CPA3: variants seen among roughly 807,000 people sequenced by gnomAD.
CPA3 encodes the protein carboxypeptidase A3, also known as mast cell carboxypeptidase A.
Under a neutral mutation model 55.8 loss-of-function variants are expected in CPA3, and 52 were observed. The ratio of observed to expected loss-of-function variants is 0.93; its 90% CI spans 0.75 to 1.17. The LOEUF is 1.17. Ranked by LOEUF, CPA3 falls within the 50% of genes most tolerant of loss-of-function variation. CPA3 has a pLI of 0.00. For missense variants in CPA3, 547 were observed against 509.1 expected (o/e 1.07, Z -0.72); for synonymous variants, 179 against 171.2 (o/e 1.05, Z -0.36).
At chr3:148,870,156 A>C (rs1254693451) in intron 3 of CPA3, 2 of 149,148 alleles carry the variant, frequency 1.3e-5, no homozygotes, top group Admixed American at 6.7e-5. Context: ...TCATAGTTTG[A>C]TGTACAGAGG....
At position 148,865,501 on chromosome 3, in the gene CPA3, G is replaced by T; in HGVS notation, c.97G>T (p.Asp33Tyr). ...REKVFRVKPQ[D>Y]EKQADIIKDL... ...GAAGGTGTTCCGCGTGAAGCCCCAGGATGAAAAACAAGCAGACATCATAAA... is the reference window on the plus strand; with the variant it reads ...GAAGGTGTTCCGCGTGAAGCCCCAGTATGAAAAACAAGCAGACATCATAAA... The change falls in exon 2 of 11, where the codon GAT becomes TAT. Residue 33 changes from aspartate (D) to tyrosine (Y), a missense_variant. Transcript: ENST00000296046. 10 of 1,613,928 alleles carry T rather than the reference G, an allele frequency of 6.2e-6. No individual in the cohort carries two copies. The highest frequency in any genetic ancestry group is 8.5e-6 in the Non-Finnish European group (10 of 1,179,950).
chr3:148,887,036 C>A (rs1322230574), intron 10 of CPA3, among the ~76,000 whole-genome samples: 1 of 152,054 alleles, frequency 6.6e-6, no homozygotes, highest in African/African-American at 2.4e-5. Flanking sequence ...TTTATGTTGT[C>A]TTTGTGTGTT....
intron 10 of CPA3, among the ~76,000 whole-genome samples, chr3:148,892,232 C>T (rs568522821): frequency 6.6e-4 from 101 of 152,260 alleles, no homozygotes; most frequent in African/African-American, 2.1e-3. Context: ...TCTGACTCTC[C>T]TCATCAAGAA....
intron 10 of CPA3, among the ~76,000 whole-genome samples, chr3:148,896,077 G>A (rs1326468102): frequency 6.6e-6 from 1 of 152,126 alleles, no homozygotes; most frequent in African/African-American, 2.4e-5. Context: ...CTATGAAATA[G>A]TTTACCCTAG....
intron 10 of CPA3, among the ~76,000 whole-genome samples, chr3:148,895,155 C>A (rs1047452812): frequency 6.6e-6 from 1 of 152,180 alleles, no homozygotes; most frequent in African/African-American, 2.4e-5. Context: ...AATCTAAACA[C>A]CTAGTCCCGA....
At chr3:148,879,195 C>T (rs1270849622) in intron 5 of CPA3, among the ~76,000 whole-genome samples, 1 of 152,176 alleles carries the variant, frequency 6.6e-6, no homozygotes, top group Non-Finnish European at 1.5e-5. Flanking sequence ...CACTCCATTG[C>T]TGCTGGATTT....
chr3:148,890,603 T>G (rs768340805), intron 10 of CPA3, among the ~76,000 whole-genome samples: 2 of 152,256 alleles, frequency 1.3e-5, no homozygotes, highest in Non-Finnish European at 2.9e-5. Flanking sequence ...TTTCAGTGTA[T>G]GCCCATGTAT....
intron 10 of CPA3, among the ~76,000 whole-genome samples, chr3:148,894,433 G>GA (rs1160368866): frequency 3.5e-5 from 4 of 115,596 alleles, no homozygotes; most frequent in Admixed American, 8.7e-5. Flanking sequence ...TGTAAAGCAA[G>GA]AAAAAAAAGA....
intron 10 of CPA3, among the ~76,000 whole-genome samples, chr3:148,888,038 C>T (rs1714580438): frequency 6.6e-6 from 1 of 152,190 alleles, no homozygotes; most frequent in Non-Finnish European, 1.5e-5. Context: ...AACCCTTCCA[C>T]CACCAAAGAT....
At chr3:148,892,121 A>G (rs1169936544) in intron 10 of CPA3, among the ~76,000 whole-genome samples, 4 of 150,688 alleles carry the variant, frequency 2.7e-5, no homozygotes, top group Non-Finnish European at 1.5e-5. Context: ...CTTTTTTTCT[A>G]CTCTCCCACT....
intron 3 of CPA3, 114 bp downstream of exon 3, chr3:148,869,153 C>T (rs555341411): frequency 3.3e-6 from 4 of 1,200,088 alleles, no homozygotes; most frequent in South Asian, 3.0e-5. Context: ...AGAACGAAAG[C>T]TCTTTCTGTA....
At chr3:148,867,626 T>G (rs1331735917) in intron 2 of CPA3, among the ~76,000 whole-genome samples, 1 of 152,248 alleles carries the variant, frequency 6.6e-6, no homozygotes, top group African/African-American at 2.4e-5. Context: ...CTCTCATATG[T>G]CCAACTCATG....
intron 9 of CPA3, among the ~76,000 whole-genome samples, chr3:148,885,462 G>A (rs1360027270): frequency 7.4e-6 from 1 of 135,482 alleles, no homozygotes; most frequent in Non-Finnish European, 1.5e-5. Context: ...CCAGGCTGGA[G>A]TGCAGTGGCG....
At chr3:148,873,981 C>T (rs1413901377) in intron 3 of CPA3, among the ~76,000 whole-genome samples, 1 of 152,122 alleles carries the variant, frequency 6.6e-6, no homozygotes, top group Non-Finnish European at 1.5e-5. Flanking sequence ...TTTTGGAGCT[C>T]AAAATAATAT....
At chr3:148,871,061 G>A (rs1714053603) in intron 3 of CPA3, among the ~76,000 whole-genome samples, 1 of 152,064 alleles carries the variant, frequency 6.6e-6, no homozygotes, top group African/African-American at 2.4e-5. Flanking sequence ...ACCATGCCTG[G>A]CTTTTTTTTG....
At chr3:148,865,401 T>G in intron 1 of CPA3, 26 bp downstream of exon 1, 1 of 1,613,950 alleles carries the variant, frequency 6.2e-7, no homozygotes, top group Non-Finnish European at 8.5e-7. Context: ...TGTGTTCCAG[T>G]CTCTGTGTAG....
intron 2 of CPA3, among the ~76,000 whole-genome samples, chr3:148,866,841 C>T (rs1713913069): frequency 6.6e-6 from 1 of 152,160 alleles, no homozygotes; most frequent in Non-Finnish European, 1.5e-5. Flanking sequence ...TCTGCAGCCT[C>T]CGACTCCCAG....
At chr3:148,877,312 A>G (rs921085819) in intron 3 of CPA3, among the ~76,000 whole-genome samples, 1 of 152,216 alleles carries the variant, frequency 6.6e-6, no homozygotes, top group African/African-American at 2.4e-5. Context: ...CCTGATCAAC[A>G]TGGAGAAACC....
At chr3:148,878,400 T>TGAAAGATAA (rs1203937916) in intron 3 of CPA3, 41 bp from the exon 4 acceptor site, 1 of 1,357,252 alleles carries the variant, frequency 7.4e-7, no homozygotes, top group African/African-American at 1.4e-5. Flanking sequence ...TTTTCCTTTC[T>TGAAAGATAA]CATGATAAAA....
Sources: gnomAD v4.1 joint callset for allele counts (sites outside exome capture counted in the v4.1 genomes callset) on GRCh38, gnomAD v4.1.1 for gene constraint, MANE v1.5 for transcripts, NCBI Gene and HGNC (gene_info 2026-07-23, HGNC 2026-07-21) for gene names.